The following NUBP2 variants were observed in gnomAD, a reference collection of about 807,000 sequenced individuals.
The protein encoded by NUBP2 is cytosolic Fe-S cluster assembly factor NUBP2.
NUBP2 carries 23 observed loss-of-function variants against 24.9 expected under a neutral mutation model. The observed-to-expected ratio is 0.92, with a 90% CI of 0.66 to 1.31. NUBP2 has a LOEUF of 1.31. Among genes scored for constraint, NUBP2 ranks in the 50% most tolerant of loss-of-function variants. The probability of loss-of-function intolerance (pLI) is 0.00; values close to 1 mark genes in which losing one functional copy is unlikely to be tolerated. For synonymous variants in NUBP2, 186 were observed against 170.9 expected (o/e 1.09, Z -0.69); for missense variants, 403 against 386.5 (o/e 1.04, Z -0.36).
At chr16:1,786,479 G>A (rs778887165) in intron 1 of NUBP2, 58 bp from the exon 2 acceptor site, 19 of 1,436,302 alleles carry the variant, frequency 1.3e-5, no homozygotes, top group East Asian at 2.3e-5. Flanking sequence ...GTGACCCCGC[G>A]TGTGTGGGCA....
At position 1,786,602 on chromosome 16, in the gene NUBP2, A is replaced by G. The variant is rs752683776; in HGVS notation, c.82A>G (p.Lys28Glu). 216 of 1,612,386 alleles carry G rather than the reference A, an allele frequency of 1.3e-4. No homozygotes were observed. Among genetic ancestry groups the G allele is most frequent in the Non-Finnish European group, 1.8e-4 (209 of 1,179,610 alleles). The change falls in exon 2 of 7, where the codon AAA (lysine) becomes GAA (glutamate). Residue 28 changes from lysine to glutamate, a missense_variant. Transcript: ENST00000262302. ...LVLSGKGGVG[K>E]STISTELALA... is the part of the protein sequence containing the mutation. ...CCTCTCAGGAAAGGGGGGCGTTGGG[A>G]AAAGCACCATCTCCACGGAGCTGGC...
chr16:1,786,957 T>C lies in NUBP2; in HGVS notation c.334+2T>C. 1 of 1,514,034 alleles carries C rather than the reference T, an allele frequency of 6.6e-7. No homozygotes were observed. 93.8% of individuals were successfully genotyped at this position (1,514,034 alleles called of 1,614,324 possible). ...TGTGGAGAGGCCCCAAGAAAAACGG[T>C]AACGGCCGGGCGGCGCGTCCGCCGT... On this transcript the variant is annotated splice_donor_variant, in intron 3 of 6. Coordinates refer to ENST00000262302, the MANE Select transcript of NUBP2 (RefSeq NM_012225.4). LOFTEE classifies it high-confidence loss of function.
intron 6 of NUBP2, 107 bp from the exon 7 acceptor site, chr16:1,788,462 G>T (rs896895256): frequency 7.1e-7 from 1 of 1,400,464 alleles, no homozygotes; most frequent in Non-Finnish European, 9.4e-7. Flanking sequence ...GTCTGGCAGC[G>T]CCTCAATCCC....
intron 1 of NUBP2, chr16:1,785,445 G>T (rs1896917096): frequency 2.5e-6 from 3 of 1,183,082 alleles, no homozygotes; most frequent in Non-Finnish European, 3.2e-6. Flanking sequence ...ACTGCCGCTG[G>T]TGCCAGCACT....
chr16:1,786,974 G>C lies in NUBP2; in HGVS notation c.334+19G>C. 1.3e-6 allele frequency: 2 copies of C among 1,504,422 alleles called. No homozygotes were observed. Among genetic ancestry groups the C allele is most frequent in the Non-Finnish European group, 1.8e-6 (2 of 1,126,462 alleles). 93.2% of individuals were successfully genotyped at this position (1,504,422 alleles called of 1,614,324 possible). A position where few individuals can be genotyped will look rare whatever the true frequency, so the allele number is the denominator to read the frequency against. On this transcript the variant is annotated intron_variant, in intron 3 of 6. Transcript: ENST00000262302. ...AAAAACGGTAACGGCCGGGCGGCGC[G>C]TCCGCCGTCCTGGTGAAGGGGGTTA...
chr16:1,788,127 C>A lies in NUBP2; in HGVS notation c.601-11C>A. On this transcript the variant is annotated splice_polypyrimidine_tract_variant and intron_variant, in intron 5 of 6. Transcript: ENST00000262302. The stretch of plus-strand genomic sequence containing the variant: ...GCTTTGGGCAGTGCTGGGCTCACCA[C>A]CGTCTCCTAGGAGTGCACCAGCGTC... 6.5e-7 allele frequency: 1 copy of A among 1,550,040 alleles called. No homozygotes were observed. Among genetic ancestry groups the A allele is most frequent in the Non-Finnish European group, 8.7e-7 (1 of 1,152,086 alleles).
chr16:1,788,490 G>A, intron 6 of NUBP2, 79 bp from the exon 7 acceptor site: 1 of 1,478,624 alleles, frequency 6.8e-7, no homozygotes, highest in Non-Finnish European at 9.0e-7. Flanking sequence ...GCCACGGGTG[G>A]TTCGGGTGCG....
At chr16:1,783,533 C>G (rs540380261) in intron 1 of NUBP2, 3 of 981,778 alleles carry the variant, frequency 3.1e-6, no homozygotes, top group African/African-American at 3.5e-5. Flanking sequence ...AGAATTCACA[C>G]CAGTGGGGAC....
In NUBP2 at chr16:1,788,757, C is replaced by T. The variant is rs1031355747; in HGVS notation, c.*43C>T. On this transcript the variant is annotated 3_prime_UTR_variant, in exon 7 of 7. Coordinates refer to ENST00000262302, the MANE Select transcript of NUBP2 (RefSeq NM_012225.4). ...CCGCTTTCCAGGGCCACCAAGGGCT[C>T]TGCTCCAGCCTCTCAGAGAAACAGA... 6.4e-7 allele frequency: 1 copy of T among 1,569,272 alleles called. No individual in the cohort carries two copies. Among genetic ancestry groups the T allele is most frequent in the African/African-American group, 1.4e-5 (1 of 73,464 alleles).
chr16:1,785,881 T>C, intron 1 of NUBP2: 1 of 1,288,752 alleles, frequency 7.8e-7, no homozygotes, highest in South Asian at 1.2e-5. Flanking sequence ...ACAAGGGGCA[T>C]GGCCTCAGCG....
At chr16:1,788,097 T>TG in intron 5 of NUBP2, 41 bp from the exon 6 acceptor site, 3 of 1,555,582 alleles carry the variant, frequency 1.9e-6, no homozygotes, top group Non-Finnish European at 8.7e-7. Context: ...ACCTGGCCGG[T>TG]GGGGGCTTTG....
At chr16:1,785,363 T>G in intron 1 of NUBP2, 1 of 1,135,914 alleles carries the variant, frequency 8.8e-7, no homozygotes, top group Non-Finnish European at 1.1e-6. Flanking sequence ...TTTACCATGG[T>G]GCTCAGCCCA....
chr16:1,785,701 G>A, intron 1 of NUBP2: 2 of 1,289,084 alleles, frequency 1.6e-6, no homozygotes, highest in South Asian at 1.2e-5. Flanking sequence ...AGCCTCTGTA[G>A]GTCTGAGGAC....
intron 1 of NUBP2, chr16:1,785,955 G>A: frequency 8.0e-7 from 1 of 1,245,274 alleles, no homozygotes; most frequent in Non-Finnish European, 1.0e-6. Flanking sequence ...CCCCTGCCGT[G>A]TGGCAGGGAC....
intron 1 of NUBP2, chr16:1,785,999 C>T (rs1004772167): frequency 1.7e-6 from 2 of 1,196,058 alleles, no homozygotes; most frequent in African/African-American, 3.2e-5. Flanking sequence ...GGAGCTGGAG[C>T]TGTGCTGGAA....
chr16:1,788,291 C>G (rs913691035), intron 6 of NUBP2, 84 bp downstream of exon 6: 9 of 1,309,176 alleles, frequency 6.9e-6, no homozygotes, highest in Non-Finnish European at 9.1e-6. Context: ...GCCCCCAGTG[C>G]CCAAGGGAGA....
At chr16:1,787,542 T>C in intron 3 of NUBP2, 135 bp from the exon 4 acceptor site, 2 of 1,189,206 alleles carry the variant, frequency 1.7e-6, no homozygotes, top group Non-Finnish European at 1.2e-6. Context: ...CCCGAGAGCC[T>C]GTGATGGAGG....
Position 1,782,988 on chromosome 16 carries a change from G to A in NUBP2, c.-33G>A, listed in dbSNP as rs544367500. 841 of 1,406,216 alleles carry A rather than the reference G, an allele frequency of 6.0e-4. 1 individual carries two copies. The highest frequency in any genetic ancestry group is 7.3e-4 in the Non-Finnish European group (785 of 1,077,088). 87.1% of individuals were successfully genotyped at this position (1,406,216 alleles called of 1,614,324 possible). On this transcript the variant is annotated 5_prime_UTR_variant, in exon 1 of 7. Coordinates refer to ENST00000262302, the MANE Select transcript of NUBP2 (RefSeq NM_012225.4). Reference sequence around the variant, plus strand: ...AGGCTGACGGCCCGCGGGCGTAAGCGGACTGCAGCCGCGAGCTCCTGGAGG... The same window carrying A: ...AGGCTGACGGCCCGCGGGCGTAAGCAGACTGCAGCCGCGAGCTCCTGGAGG...
intron 1 of NUBP2, chr16:1,784,895 G>A (rs1156544921): frequency 6.3e-6 from 1 of 158,542 alleles, no homozygotes; most frequent in African/African-American, 2.4e-5. Flanking sequence ...AAATTAGCTG[G>A]GCATGGTGGC....
Sources: gnomAD v4.1 joint callset for allele counts on GRCh38, gnomAD v4.1.1 for gene constraint, MANE v1.5 for transcripts, NCBI Gene and HGNC (gene_info 2026-07-23, HGNC 2026-07-21) for gene names.